TRMT11: variants seen among roughly 807,000 people sequenced by gnomAD.
The protein encoded by TRMT11 is tRNA methyltransferase 11, also known as tRNA (guanine(10)-N(2))-methyltransferase TRMT11.
Under a neutral mutation model 62.8 loss-of-function variants are expected in TRMT11, and 53 were observed. The ratio of observed to expected loss-of-function variants is 0.84; its 90% CI spans 0.68 to 1.06. The LOEUF is 1.06. Ranked by LOEUF, TRMT11 falls within the 50% of genes least tolerant of loss-of-function variation. The pLI is 0.00. For missense variants in TRMT11, 556 were observed against 553.4 expected (o/e 1.00, Z -0.05); for synonymous variants, 188 against 190.3 (o/e 0.99, Z 0.10).
intron 17 of TRMT11, among the ~76,000 whole-genome samples, chr6:126,107,253 GT>G (rs1356985422): frequency 6.6e-6 from 1 of 152,142 alleles, no homozygotes; most frequent in African/African-American, 2.4e-5. Context: ...CCTGACAGTT[GT>G]TGGTTATGAC....
At chr6:126,254,620 C>T in the TRMT11 span, among the ~76,000 whole-genome samples, 1 of 152,236 alleles carries the variant, frequency 6.6e-6, no homozygotes, top group African/African-American at 2.4e-5. Context: ...TTTCTTTTCT[C>T]ATAATGTGTG....
intron 17 of TRMT11, among the ~76,000 whole-genome samples, chr6:126,082,554 G>C (rs1225556913): frequency 1.3e-5 from 2 of 151,696 alleles, no homozygotes; most frequent in African/African-American, 4.8e-5. Flanking sequence ...TTAGTCTTAG[G>C]GCATATCCTC....
At chr6:125,986,937 A>G in intron 1 of TRMT11, 1 of 369,170 alleles carries the variant, frequency 2.7e-6, no homozygotes, top group Non-Finnish European at 4.9e-6. Flanking sequence ...GAATAGAGAC[A>G]GCTAACAAAT....
the TRMT11 span, among the ~76,000 whole-genome samples, chr6:126,228,316 T>A: frequency 1.3e-5 from 2 of 152,194 alleles, no homozygotes; most frequent in Non-Finnish European, 2.9e-5. Context: ...AGGGACAGAT[T>A]GAAGCAAGTC....
At chr6:126,112,986 G>A (rs1001904279) in intron 18 of TRMT11, among the ~76,000 whole-genome samples, 8 of 152,042 alleles carry the variant, frequency 5.3e-5, no homozygotes, top group African/African-American at 1.9e-4. Context: ...CACCAAATCT[G>A]TTCAATAGAC....
chr6:126,053,699 G>T (rs961718000), intron 17 of TRMT11, among the ~76,000 whole-genome samples: 2 of 151,892 alleles, frequency 1.3e-5, no homozygotes, highest in African/African-American at 4.8e-5. Context: ...CCTGCATGGC[G>T]TGGTGTGTCC....
chr6:126,205,946 C>T (rs1400946097), downstream of TRMT11, among the ~76,000 whole-genome samples: 1 of 151,620 alleles, frequency 6.6e-6, no homozygotes, highest in African/African-American at 2.4e-5. Context: ...CACATGCGCG[C>T]ACACACACAC....
chr6:126,244,351 G>T, the TRMT11 span, among the ~76,000 whole-genome samples: 34 of 152,284 alleles, frequency 2.2e-4, no homozygotes, highest in African/African-American at 7.9e-4. Context: ...TGATTTTTCT[G>T]AGAGTTGTTT....
chr6:126,056,817 G>A (rs1776387382), intron 17 of TRMT11, among the ~76,000 whole-genome samples: 1 of 152,158 alleles, frequency 6.6e-6, no homozygotes, highest in South Asian at 2.1e-4. Context: ...CCTGATAGCT[G>A]GGGGCTGGAG....
chr6:126,236,874 C>A, the TRMT11 span, among the ~76,000 whole-genome samples: 417 of 152,248 alleles, frequency 2.7e-3, 5 homozygotes, highest in South Asian at 0.022. Context: ...TAGGTAATCC[C>A]TCTACATGGT....
At chr6:126,096,543 T>A (rs1279238053) in intron 17 of TRMT11, among the ~76,000 whole-genome samples, 2 of 150,924 alleles carry the variant, frequency 1.3e-5, no homozygotes, top group African/African-American at 5.0e-5. Flanking sequence ...TCAAATAAAT[T>A]AGATTTTAGC....
chr6:126,133,257 G>A (rs1445343737), intron 21 of TRMT11, among the ~76,000 whole-genome samples: 4 of 151,938 alleles, frequency 2.6e-5, no homozygotes, highest in Non-Finnish European at 5.9e-5. Flanking sequence ...TGCTAAATTA[G>A]AACATCTTTT....
the TRMT11 span, among the ~76,000 whole-genome samples, chr6:126,222,516 T>C: frequency 6.6e-6 from 1 of 152,214 alleles, no homozygotes. Context: ...AGTTTTATAA[T>C]TTTCATTGTA....
intron 7 of TRMT11, among the ~76,000 whole-genome samples, chr6:126,000,756 T>C (rs1792334680): frequency 6.6e-6 from 1 of 152,152 alleles, no homozygotes; most frequent in Non-Finnish European, 1.5e-5. Flanking sequence ...CTGTTTATTG[T>C]TGAGTTAATT....
the TRMT11 span, among the ~76,000 whole-genome samples, chr6:126,247,010 G>A: frequency 1.1e-4 from 16 of 152,182 alleles, no homozygotes; most frequent in African/African-American, 3.4e-4. Flanking sequence ...TGGTGCTTCC[G>A]AAGTTCTGCC....
Position 126,062,307 on chromosome 6 carries a change from T to C in TRMT11, c.*1437+9117T>C, listed in dbSNP as rs180810513. On this transcript the variant is annotated intron_variant and NMD_transcript_variant, in intron 17 of 22. Transcript: ENST00000648977. The stretch of plus-strand genomic sequence containing the variant: ...TCATGTTGTGGAAAAATACCAATTT[T>C]GTTCTTAAGGCGTAGAGGGAGGGCA... Among the ~76,000 whole-genome samples, 94 of 152,382 alleles carry C rather than the reference T, an allele frequency of 6.2e-4. 1 individual carries two copies. The East Asian group carries it at 0.017, about 27-fold the overall frequency.
In TRMT11 at chr6:126,090,369, C is replaced by T. The variant is rs188808695; in HGVS notation, c.*1438-22497C>T. ...TATGACTTAGACAAATTGCAATTTC[C>T]CTAACAGACCATGCTGTGAAAGTTG... On this transcript the variant is annotated intron_variant and NMD_transcript_variant, in intron 17 of 22. Coordinates refer to the TRMT11 transcript ENST00000648977. 9.9e-5 allele frequency among the ~76,000 whole-genome samples: 15 copies of T among 152,168 alleles called. No homozygotes were observed. In the East Asian group the frequency reaches 2.1e-3, roughly 22 times the overall value.
downstream of TRMT11, among the ~76,000 whole-genome samples, chr6:126,205,833 G>T (rs1328473041): frequency 4.0e-5 from 6 of 151,010 alleles, no homozygotes; most frequent in East Asian, 1.2e-3. Flanking sequence ...GGCAAAAAAA[G>T]ATGGCGGAAA....
intron 21 of TRMT11, among the ~76,000 whole-genome samples, chr6:126,128,915 ATTTTTTT>A (rs36071656): frequency 7.7e-6 from 1 of 130,468 alleles, no homozygotes; most frequent in Non-Finnish European, 1.6e-5. Context: ...TTGTTTTCTG[ATTTTTTT>A]TTTTTTTTTT....
Sources: allele counts gnomAD v4.1 joint callset (sites outside exome capture counted in the v4.1 genomes callset), GRCh38; gene constraint gnomAD v4.1.1; transcripts MANE v1.5; gene names NCBI Gene and HGNC (gene_info 2026-07-23, HGNC 2026-07-21).